TCEANC2: variants seen among roughly 807,000 people sequenced by gnomAD.
TCEANC2 encodes the protein transcription elongation factor A N-terminal and central domain-containing protein 2.
TCEANC2 carries 20 observed loss-of-function variants against 22.8 expected under a neutral mutation model. That is an observed-to-expected ratio of 0.88 (90% CI 0.62 to 1.28). The LOEUF is 1.28. TCEANC2 is among the 50% of genes most tolerant of loss of function. The probability of loss-of-function intolerance (pLI) is 0.00; values close to 1 mark genes in which losing one functional copy is unlikely to be tolerated. For missense variants in TCEANC2, 251 were observed against 249.7 expected (o/e 1.01, Z -0.03); for synonymous variants, 84 against 95.5 (o/e 0.88, Z 0.70).
At position 54,100,637 on chromosome 1, in the gene TCEANC2, G is replaced by A. The variant is rs6694397; in HGVS notation, c.*4164G>A. The A allele has an allele frequency of 0.31, 46,782 of 152,092 alleles. 7,612 individuals are homozygous for A. Among genetic ancestry groups the A allele is most frequent in the Admixed American group, 0.44 (6,680 of 15,284 alleles). 9.4% of individuals were successfully genotyped at this position (152,092 alleles called of 1,614,324 possible). On this transcript the variant is annotated 3_prime_UTR_variant, in exon 5 of 5. Coordinates refer to ENST00000234827, the MANE Select transcript of TCEANC2 (RefSeq NM_153035.3). Reference sequence around the variant, plus strand: ...TCAGTCTATGTGAAAGCACAGAAGCGTGAGGTGTATGGCTAGTTTCAGTAA... The same window carrying A: ...TCAGTCTATGTGAAAGCACAGAAGCATGAGGTGTATGGCTAGTTTCAGTAA...
In TCEANC2 at chr1:54,097,897, G is replaced by T. The variant is rs1218438848; in HGVS notation, c.*1424G>T. ...GCGTTTACCCTGGGCCCAGCACTGT[G>T]GTAACCATTTTACAAAAAGAAAATA... On this transcript the variant is annotated 3_prime_UTR_variant, in exon 5 of 5. Transcript: ENST00000234827. The T allele has an allele frequency of 6.6e-6, 1 of 152,050 alleles. No homozygotes were observed. The highest frequency in any genetic ancestry group is 1.5e-5 in the Non-Finnish European group (1 of 68,020). 9.4% of individuals were successfully genotyped at this position (152,050 alleles called of 1,614,324 possible).
At chr1:54,111,829 T>G (rs1422990984) in exon 5 of TCEANC2, 5 of 152,208 alleles carry the variant, frequency 3.3e-5, no homozygotes, top group Non-Finnish European at 7.3e-5. Flanking sequence ...CATTCCTGGG[T>G]GGGCCGGCCT....
chr1:54,104,728 G>C lies in TCEANC2; in HGVS notation c.*8255G>C, dbSNP rs942969972. On this transcript the variant is annotated 3_prime_UTR_variant, in exon 5 of 5. Coordinates refer to ENST00000234827, the MANE Select transcript of TCEANC2 (RefSeq NM_153035.3). ...AGCTGATTTTTGTATTTTTAGTAGA[G>C]ATGGAGTTTCGCCATGTTGGCCAGA... is the stretch of plus-strand genomic sequence containing the variant. The C allele has an allele frequency of 2.2e-6, 1 of 444,512 alleles. No individual in the cohort carries two copies. Among genetic ancestry groups the C allele is most frequent in the African/African-American group, 2.0e-5 (1 of 49,750 alleles). The allele number at this position is 444,512 out of a possible 1,614,324, so 27.5% of individuals were successfully genotyped here.
intron 3 of TCEANC2, among the ~76,000 whole-genome samples, chr1:54,080,657 T>C (rs996055015): frequency 6.6e-6 from 1 of 152,236 alleles, no homozygotes; most frequent in Admixed American, 6.5e-5. Flanking sequence ...CAGATTAGTC[T>C]GGATTTTCCG....
downstream of TCEANC2, among the ~76,000 whole-genome samples, chr1:54,106,621 C>T (rs936233474): frequency 7.9e-5 from 12 of 151,880 alleles, no homozygotes; most frequent in African/African-American, 2.4e-4. Context: ...TGTTGGACCA[C>T]GCAAATTTAT....
In TCEANC2 at chr1:54,105,101, G is replaced by C. The variant is rs1658728293; in HGVS notation, c.*8628G>C. 6.5e-6 allele frequency: 1 copy of C among 153,774 alleles called. No homozygotes were observed. Among genetic ancestry groups the C allele is most frequent in the South Asian group, 2.0e-4 (1 of 4,928 alleles). The allele number at this position is 153,774 out of a possible 1,614,324, so 9.5% of individuals were successfully genotyped here. ...TAGTTTGTCCAACTTACTTTCCTAA[G>C]TTTCCCCCAGGAAAGGAGGTCCACC... On this transcript the variant is annotated 3_prime_UTR_variant, in exon 5 of 5. Transcript: ENST00000234827.
chr1:54,059,418 C>T (rs1657809705), intron 2 of TCEANC2, among the ~76,000 whole-genome samples: 1 of 152,252 alleles, frequency 6.6e-6, no homozygotes, highest in Non-Finnish European at 1.5e-5. Flanking sequence ...TCCCAAAGTG[C>T]TGGGATTACA....
chr1:54,108,973 A>C (rs1231808307), downstream of TCEANC2, among the ~76,000 whole-genome samples: 4 of 151,190 alleles, frequency 2.6e-5, no homozygotes, highest in Non-Finnish European at 4.4e-5. Context: ...CTCCGTCCCA[A>C]AAAAAAAAGA....
chr1:54,074,121 A>G (rs541729742), intron 3 of TCEANC2, among the ~76,000 whole-genome samples: 1 of 152,314 alleles, frequency 6.6e-6, no homozygotes, highest in East Asian at 1.9e-4. Context: ...GATTGTAACT[A>G]TATACTGGGG....
intron 2 of TCEANC2, among the ~76,000 whole-genome samples, chr1:54,056,563 G>C (rs1420321447): frequency 6.6e-6 from 1 of 151,914 alleles, no homozygotes; most frequent in African/African-American, 2.4e-5. Context: ...CTGACCTCAT[G>C]ATCTGCCCAC....
At position 54,104,540 on chromosome 1, in the gene TCEANC2, A is replaced by AT. The variant is rs763250820; in HGVS notation, c.*8076dup. The AT allele has an allele frequency of 4.9e-4, 216 of 441,162 alleles. No homozygotes were observed. The highest frequency in any genetic ancestry group is 9.9e-4 in the Middle Eastern group (3 of 3,030). The allele number at this position is 441,162 out of a possible 1,614,324, so 27.3% of individuals were successfully genotyped here. On this transcript the variant is annotated 3_prime_UTR_variant, in exon 5 of 5. Coordinates refer to ENST00000234827, the MANE Select transcript of TCEANC2 (RefSeq NM_153035.3). ...AGACTTCTTGGTATTCCTTTGCCCA[A>AT]TTTTTTTTTCTTTTTCTTTTTCAGA...
downstream of TCEANC2, among the ~76,000 whole-genome samples, chr1:54,107,436 T>C (rs1658775855): frequency 1.3e-5 from 2 of 152,124 alleles, no homozygotes; most frequent in South Asian, 4.2e-4. Flanking sequence ...ACTATGAAGT[T>C]GTCATTTTTC....
chr1:54,109,337 G>A (rs756082496), downstream of TCEANC2, among the ~76,000 whole-genome samples: 6 of 152,332 alleles, frequency 3.9e-5, no homozygotes, highest in East Asian at 1.9e-4. Flanking sequence ...TAAGTGTGAC[G>A]TGGATGGAGC....
chr1:54,056,299 T>G (rs1657750534), intron 2 of TCEANC2, among the ~76,000 whole-genome samples: 1 of 150,270 alleles, frequency 6.7e-6, no homozygotes, highest in Non-Finnish European at 1.5e-5. Context: ...CCCATATTCT[T>G]TTCTTTTCTT....
At chr1:54,075,224 A>T (rs1457931930) in intron 3 of TCEANC2, among the ~76,000 whole-genome samples, 2 of 152,256 alleles carry the variant, frequency 1.3e-5, no homozygotes, top group Admixed American at 6.5e-5. Flanking sequence ...AGAAATAGGC[A>T]TTCAGGTGTA....
At chr1:54,092,749 C>CT (rs200821143) in intron 4 of TCEANC2, among the ~76,000 whole-genome samples, 2,166 of 152,286 alleles carry the variant, frequency 0.014, 52 homozygotes, top group African/African-American at 0.05. Context: ...TTCCCATGCC[C>CT]TGAGAGAGCT....
intron 3 of TCEANC2, among the ~76,000 whole-genome samples, chr1:54,069,846 GA>G (rs1400193031): frequency 6.6e-6 from 1 of 152,186 alleles, no homozygotes; most frequent in Non-Finnish European, 1.5e-5. Flanking sequence ...GGACCATGTT[GA>G]ATTGCCATTT....
In TCEANC2 at chr1:54,096,616, A is replaced by T; in HGVS notation, c.*143A>T. ...GGTGCCGTTCCTTTGCAGACAGAGG[A>T]TTCGGAGAGCCCTAGGAGACAGGCC... On this transcript the variant is annotated 3_prime_UTR_variant, in exon 5 of 5. Coordinates refer to ENST00000234827, the MANE Select transcript of TCEANC2 (RefSeq NM_153035.3). The surrounding 1 kb of genome is among the most constrained non-coding windows in gnomAD (Gnocchi z 4.9). The T allele has an allele frequency of 2.1e-6, 3 of 1,403,158 alleles. No homozygotes were observed. The East Asian group carries it at 7.6e-5, about 35-fold the overall frequency. The allele number at this position is 1,403,158 out of a possible 1,614,324, so 86.9% of individuals were successfully genotyped here.
At chr1:54,075,781 A>G (rs1282799738) in intron 3 of TCEANC2, among the ~76,000 whole-genome samples, 2 of 152,186 alleles carry the variant, frequency 1.3e-5, no homozygotes, top group East Asian at 1.9e-4. Flanking sequence ...TGGGAGGCGC[A>G]GGCAAGTGAA....
Sources: allele counts gnomAD v4.1 joint callset (sites outside exome capture counted in the v4.1 genomes callset), GRCh38; gene constraint gnomAD v4.1.1; non-coding constraint Gnocchi (gnomAD v3.1); transcripts MANE v1.5; gene names NCBI Gene and HGNC (gene_info 2026-07-23, HGNC 2026-07-21).